Variants in IPCEF1 observed in about 807,000 individuals in gnomAD.
The protein encoded by IPCEF1 is interactor protein for cytohesin exchange factors 1.
A neutral mutation model predicts 50.9 loss-of-function variants in IPCEF1; 31 were observed. The ratio of observed to expected loss-of-function variants is 0.61; its 90% confidence interval spans 0.46 to 0.82. The LOEUF is 0.82. Among genes scored for constraint, IPCEF1 ranks in the 40% least tolerant of loss-of-function variants. The probability of loss-of-function intolerance (pLI) is 0.00; values close to 1 mark genes in which losing one functional copy is unlikely to be tolerated. For synonymous variants in IPCEF1, 181 were observed against 192.0 expected, an observed-to-expected ratio of 0.94 and a Z score of 0.47; for missense variants, 458 against 514.0, an observed-to-expected ratio of 0.89 and a Z score of 1.05.
chr6:154,181,410 C>T (rs1410486409), intron 10 of IPCEF1, among the ~76,000 whole-genome samples: 1 of 152,188 alleles, frequency 6.6e-6, no homozygotes, highest in Non-Finnish European at 1.5e-5. Flanking sequence ...AAAATTCTTT[C>T]ACCAAATTCA....
At chr6:154,311,952 A>G (rs1196461071) in intron 1 of IPCEF1, among the ~76,000 whole-genome samples, 1 of 152,240 alleles carries the variant, frequency 6.6e-6, no homozygotes, top group African/African-American at 2.4e-5. Context: ...TCTTTTGGAT[A>G]AATCCTGGAT....
At chr6:154,245,822 C>T (rs1480819699) in intron 5 of IPCEF1, among the ~76,000 whole-genome samples, 2 of 152,170 alleles carry the variant, frequency 1.3e-5, no homozygotes, top group Non-Finnish European at 2.9e-5. Context: ...ATTCGACATT[C>T]AACAACATCG....
chr6:154,347,701 T>A (rs1447440551), intron 1 of IPCEF1, among the ~76,000 whole-genome samples: 2 of 152,200 alleles, frequency 1.3e-5, no homozygotes, highest in African/African-American at 4.8e-5. Flanking sequence ...GCTCTAAGGC[T>A]CACCTCAGTG....
chr6:154,166,934 A>G (rs1799486584), intron 11 of IPCEF1, among the ~76,000 whole-genome samples: 1 of 152,198 alleles, frequency 6.6e-6, no homozygotes, highest in Admixed American at 6.5e-5. Flanking sequence ...CATTTGTATT[A>G]TCTTTGTATA....
At chr6:154,293,578 T>C (rs1289215890) in intron 1 of IPCEF1, among the ~76,000 whole-genome samples, 4 of 152,226 alleles carry the variant, frequency 2.6e-5, no homozygotes, top group Admixed American at 2.6e-4. Flanking sequence ...AGTGTGATAT[T>C]ATTGTTACTG....
At chr6:154,308,165 C>T (rs144131542) in intron 1 of IPCEF1, among the ~76,000 whole-genome samples, 2,052 of 152,262 alleles carry the variant, frequency 0.013, 23 homozygotes, top group Non-Finnish European at 0.021. Context: ...TCTAAGCTGG[C>T]GTGCAGTGGT....
intron 1 of IPCEF1, among the ~76,000 whole-genome samples, chr6:154,348,072 TC>T (rs1159733815): frequency 6.6e-6 from 1 of 152,084 alleles, no homozygotes; most frequent in Non-Finnish European, 1.5e-5. Context: ...TGACTCGGTG[TC>T]TCTCTCCCCG....
chr6:154,308,175 T>G (rs1293254489), intron 1 of IPCEF1, among the ~76,000 whole-genome samples: 1 of 152,214 alleles, frequency 6.6e-6, no homozygotes, highest in African/African-American at 2.4e-5. Context: ...CGTGCAGTGG[T>G]GCAATCATGG....
chr6:154,198,934 T>C (rs1390270665), intron 10 of IPCEF1, among the ~76,000 whole-genome samples: 1 of 152,142 alleles, frequency 6.6e-6, no homozygotes, highest in African/African-American at 2.4e-5. Context: ...TAAGCGTGTT[T>C]TACAGCAGAA....
intron 1 of IPCEF1, among the ~76,000 whole-genome samples, chr6:154,331,255 G>A (rs1054531023): frequency 6.6e-6 from 1 of 151,292 alleles, no homozygotes; most frequent in African/African-American, 2.4e-5. Flanking sequence ...GCGATAGAGT[G>A]AGACTCTAAA....
At chr6:154,298,612 G>C (rs1027248516) in intron 1 of IPCEF1, among the ~76,000 whole-genome samples, 1 of 152,208 alleles carries the variant, frequency 6.6e-6, no homozygotes, top group African/African-American at 2.4e-5. Context: ...CCTTTAAAGA[G>C]AGAAGAATGG....
intron 2 of IPCEF1, among the ~76,000 whole-genome samples, chr6:154,280,820 C>G (rs35277959): frequency 0.17 from 26,225 of 152,150 alleles, 4,153 homozygotes; most frequent in African/African-American, 0.42. Flanking sequence ...AGAATTTACA[C>G]TTTATGATAA....
At chr6:154,228,391 C>T (rs944418656) in intron 5 of IPCEF1, among the ~76,000 whole-genome samples, 7 of 152,194 alleles carry the variant, frequency 4.6e-5, no homozygotes, top group Admixed American at 1.3e-4. Flanking sequence ...AACTTGTTCT[C>T]CTGCCAGAGG....
At chr6:154,196,104 T>C (rs1776606508) in intron 10 of IPCEF1, among the ~76,000 whole-genome samples, 1 of 152,166 alleles carries the variant, frequency 6.6e-6, no homozygotes, top group African/African-American at 2.4e-5. Flanking sequence ...TGGTTCACAT[T>C]TTATTCACTT....
At chr6:154,194,343 G>A (rs1189627024) in intron 10 of IPCEF1, among the ~76,000 whole-genome samples, 2 of 151,372 alleles carry the variant, frequency 1.3e-5, no homozygotes, top group Non-Finnish European at 2.9e-5. Context: ...AGGTTGCCGT[G>A]AGCTGAGATC....
chr6:154,312,911 T>TA (rs113389002), intron 1 of IPCEF1, among the ~76,000 whole-genome samples: 3 of 151,558 alleles, frequency 2.0e-5, no homozygotes, highest in Non-Finnish European at 4.4e-5. Flanking sequence ...GATGAATAAA[T>TA]AAAAAATTTT....
intron 2 of IPCEF1, among the ~76,000 whole-genome samples, chr6:154,273,874 C>A (rs1324323989): frequency 6.6e-6 from 1 of 150,856 alleles, no homozygotes; most frequent in Non-Finnish European, 1.5e-5. Context: ...CTGCCTCAGC[C>A]TCCAGAGTAG....
intron 3 of IPCEF1, among the ~76,000 whole-genome samples, chr6:154,260,453 A>G (rs748733108): frequency 6.7e-6 from 1 of 149,582 alleles, no homozygotes; most frequent in Non-Finnish European, 1.5e-5. Context: ...CAGCGTTACT[A>G]AAATCTATCT....
chr6:154,173,584 C>A (rs1800052962), intron 10 of IPCEF1, among the ~76,000 whole-genome samples: 1 of 151,582 alleles, frequency 6.6e-6, no homozygotes, highest in Admixed American at 6.6e-5. Context: ...GATTGAAGAT[C>A]AAATTAATGA....
Sources: gnomAD v4.1 joint callset for allele counts (sites outside exome capture counted in the v4.1 genomes callset) on GRCh38, gnomAD v4.1.1 for gene constraint, MANE v1.5 for transcripts, NCBI Gene and HGNC (gene_info 2026-07-23, HGNC 2026-07-21) for gene names.